Variants in CES1 observed in about 807,000 individuals in gnomAD.
CES1 encodes liver carboxylesterase 1.
A neutral mutation model predicts 53.0 loss-of-function variants in CES1; 50 were observed. That is an observed-to-expected ratio of 0.94 (90% confidence interval 0.75 to 1.19). The LOEUF (loss-of-function observed/expected upper bound fraction) is 1.19, where lower values mean the gene tolerates loss of function less well. CES1 is among the 50% of genes most tolerant of loss of function. The pLI, the probability that CES1 is intolerant of heterozygous loss-of-function variation, is 0.00. For missense variants in CES1, 534 were observed against 538.0 expected (o/e 0.99, Z 0.07); for synonymous variants, 202 against 210.1 (o/e 0.96, Z 0.33).
intron 8 of CES1, among the ~76,000 whole-genome samples, chr16:55,815,426 AG>A (rs2031896286): frequency 2.0e-5 from 3 of 152,204 alleles, no homozygotes; most frequent in Admixed American, 2.0e-4. Context: ...CTAAAAGTTG[AG>A]GCAAGAGACG....
At chr16:55,812,875 T>TC in intron 9 of CES1, 28 bp downstream of exon 9, 1 of 1,613,208 alleles carries the variant, frequency 6.2e-7, no homozygotes, top group East Asian at 2.2e-5. Context: ...GGTGGTTGAG[T>TC]CCCTCCAACA....
chr16:55,811,802 AC>A (rs2031709823), intron 9 of CES1, among the ~76,000 whole-genome samples: 1 of 152,202 alleles, frequency 6.6e-6, no homozygotes, highest in Admixed American at 6.5e-5. Flanking sequence ...TTCCTTGAGG[AC>A]CTGAGAGCCT....
chr16:55,812,888 C>T lies in CES1; in HGVS notation c.1086+15G>A, dbSNP rs371547715. The T allele has an allele frequency of 3.9e-4, 633 of 1,613,806 alleles. 1 individual carries two copies. Among genetic ancestry groups the T allele is most frequent in the Non-Finnish European group, 4.7e-4 (555 of 1,180,034 alleles). Reference sequence around the variant, plus strand: ...GGGGTGGTTGAGTCCCTCCAACAGACATGTGCCTTCTCACCATTGGAATCA... The same window carrying T: ...GGGGTGGTTGAGTCCCTCCAACAGATATGTGCCTTCTCACCATTGGAATCA... On this transcript the variant is annotated intron_variant, in intron 9 of 13. Transcript: ENST00000360526.
chr16:55,820,713 T>A (rs1409720999), intron 5 of CES1, among the ~76,000 whole-genome samples: 1 of 151,828 alleles, frequency 6.6e-6, no homozygotes, highest in Non-Finnish European at 1.5e-5. Flanking sequence ...CAATCCCCAA[T>A]CCCAGCAGGA....
At chr16:55,809,575 G>A (rs1190091794) in intron 11 of CES1, among the ~76,000 whole-genome samples, 1 of 152,178 alleles carries the variant, frequency 6.6e-6, no homozygotes, top group Non-Finnish European at 1.5e-5. Flanking sequence ...CACCCACACA[G>A]CCTTGGGTCA....
intron 6 of CES1, chr16:55,820,119 G>C: frequency 1.7e-6 from 1 of 586,556 alleles, no homozygotes; most frequent in East Asian, 3.0e-5. Flanking sequence ...CCATGAGCTG[G>C]AGTCCCAGCT....
chr16:55,827,556 A>G (rs111238132), intron 2 of CES1, among the ~76,000 whole-genome samples: 1 of 152,104 alleles, frequency 6.6e-6, no homozygotes, highest in African/African-American at 2.4e-5. Flanking sequence ...TGACTCAGAA[A>G]TGTCATTTCT....
intron 8 of CES1, among the ~76,000 whole-genome samples, chr16:55,813,944 C>T (rs377406371): frequency 5.9e-5 from 9 of 152,234 alleles, no homozygotes; most frequent in East Asian, 1.9e-4. Context: ...GCAAATCCAG[C>T]TTCCCCTGCT....
chr16:55,811,513 G>A (rs1226606558), intron 9 of CES1, among the ~76,000 whole-genome samples: 3 of 152,206 alleles, frequency 2.0e-5, no homozygotes, highest in East Asian at 1.9e-4. Context: ...ACATCTCTAC[G>A]CACATAACAA....
chr16:55,819,128 A>G (rs113596734), intron 7 of CES1, among the ~76,000 whole-genome samples: 14 of 152,372 alleles, frequency 9.2e-5, no homozygotes, highest in Admixed American at 3.3e-4. Context: ...CTGGACCACC[A>G]CTAGGTCTAA....
At chr16:55,830,985 G>A (rs1337515027) in intron 1 of CES1, among the ~76,000 whole-genome samples, 3 of 152,166 alleles carry the variant, frequency 2.0e-5, no homozygotes, top group South Asian at 2.1e-4. Flanking sequence ...ACACAGGCTC[G>A]GTGGAGATGT....
At chr16:55,825,413 C>G (rs542741132) in intron 3 of CES1, among the ~76,000 whole-genome samples, 3 of 152,368 alleles carry the variant, frequency 2.0e-5, no homozygotes, top group African/African-American at 7.2e-5. Flanking sequence ...CAACCTGCAG[C>G]TGGCGGGCTG....
chr16:55,819,719 C>T, intron 6 of CES1, 80 bp from the exon 7 acceptor site: 10 of 1,214,646 alleles, frequency 8.2e-6, no homozygotes, highest in Non-Finnish European at 1.2e-5. Context: ...CATTCTATCC[C>T]AAGCCCAACT....
chr16:55,817,340 CT>C (rs375094432), intron 7 of CES1, among the ~76,000 whole-genome samples: 22 of 152,310 alleles, frequency 1.4e-4, no homozygotes, highest in Middle Eastern at 3.4e-3. Flanking sequence ...CAATAATATC[CT>C]ATGATCATCT....
At chr16:55,829,639 C>A (rs1597092703) in intron 1 of CES1, among the ~76,000 whole-genome samples, 2 of 152,332 alleles carry the variant, frequency 1.3e-5, no homozygotes, top group East Asian at 3.9e-4. Context: ...CCCACATGCA[C>A]CAGGTGGAGT....
chr16:55,831,892 A>G (rs1168764088), intron 1 of CES1, among the ~76,000 whole-genome samples: 2 of 151,142 alleles, frequency 1.3e-5, no homozygotes, highest in African/African-American at 4.8e-5. Context: ...ATAAAATGGC[A>G]TGGGGGTATT....
chr16:55,819,283 C>G (rs1234366911), intron 7 of CES1, among the ~76,000 whole-genome samples: 9 of 152,184 alleles, frequency 5.9e-5, no homozygotes, highest in South Asian at 2.1e-4. Flanking sequence ...CATCTGAAAA[C>G]AAGAATGGCA....
At chr16:55,824,138 C>T (rs1324301128) in intron 3 of CES1, among the ~76,000 whole-genome samples, 4 of 151,884 alleles carry the variant, frequency 2.6e-5, no homozygotes, top group African/African-American at 4.8e-5. Context: ...ATGATTGTCT[C>T]GAGAAGCACA....
At chr16:55,816,145 T>G (rs1451600416) in intron 8 of CES1, among the ~76,000 whole-genome samples, 1 of 152,286 alleles carries the variant, frequency 6.6e-6, no homozygotes, top group Non-Finnish European at 1.5e-5. Context: ...ACCCACAAAC[T>G]CTATCCCCTA....
Sources: allele counts gnomAD v4.1 joint callset (sites outside exome capture counted in the v4.1 genomes callset), GRCh38; gene constraint gnomAD v4.1.1; transcripts MANE v1.5; gene names NCBI Gene and HGNC (gene_info 2026-07-23, HGNC 2026-07-21).